The following GABRB2 variants were observed in gnomAD, a reference collection of about 807,000 sequenced individuals.
The protein encoded by GABRB2 is gamma-aminobutyric acid type A receptor subunit beta2.
A neutral mutation model predicts 54.7 loss-of-function variants in GABRB2; 16 were observed. The ratio of observed to expected loss-of-function variants is 0.29; its 90% CI spans 0.20 to 0.44. The LOEUF is 0.44. Among genes scored for constraint, GABRB2 ranks in the 20% least tolerant of loss-of-function variants. GABRB2 has a pLI of 1.00. For missense variants in GABRB2, 355 were observed against 644.0 expected, an observed-to-expected ratio of 0.55 and a Z score of 4.86; for synonymous variants, 244 against 233.8, an observed-to-expected ratio of 1.04 and a Z score of -0.40.
chr5:161,527,182 G>T (rs1233599048), intron 3 of GABRB2, among the ~76,000 whole-genome samples: 4 of 148,240 alleles, frequency 2.7e-5, no homozygotes, highest in Non-Finnish European at 3.1e-5. Context: ...TAGAAACACA[G>T]ACCTAAGGAC....
At chr5:161,525,414 T>A (rs1469028963) in intron 3 of GABRB2, among the ~76,000 whole-genome samples, 1 of 151,256 alleles carries the variant, frequency 6.6e-6, no homozygotes, top group African/African-American at 2.4e-5. Context: ...GTAAAAAAGG[T>A]CTTTCAATTG....
intron 5 of GABRB2, among the ~76,000 whole-genome samples, chr5:161,362,692 C>T (rs896926228): frequency 6.6e-6 from 1 of 152,056 alleles, no homozygotes; most frequent in African/African-American, 2.4e-5. Context: ...AGGGAAAAAA[C>T]AACCCCATCA....
intron 3 of GABRB2, among the ~76,000 whole-genome samples, chr5:161,464,142 C>T (rs1231293426): frequency 6.6e-6 from 1 of 151,738 alleles, no homozygotes; most frequent in Non-Finnish European, 1.5e-5. Flanking sequence ...AGCAATGACA[C>T]TATTAAGGGA....
chr5:161,317,381 C>T (rs911473673), intron 9 of GABRB2, among the ~76,000 whole-genome samples: 6 of 152,112 alleles, frequency 3.9e-5, no homozygotes, highest in Non-Finnish European at 5.9e-5. Context: ...CCTACCATCC[C>T]GTCCCACTCT....
chr5:161,373,103 G>A (rs541741684), intron 5 of GABRB2, among the ~76,000 whole-genome samples: 20 of 152,050 alleles, frequency 1.3e-4, no homozygotes, highest in Middle Eastern at 3.4e-3. Flanking sequence ...ATTCCTAACC[G>A]TATGCAAATG....
chr5:161,391,770 A>G (rs974019987), intron 5 of GABRB2, among the ~76,000 whole-genome samples: 1 of 152,198 alleles, frequency 6.6e-6, no homozygotes, highest in African/African-American at 2.4e-5. Flanking sequence ...GCAGATACCA[A>G]CAAGATGTAA....
chr5:161,416,724 A>AAAAAAAAAAAAAAAAAAAAAAAAAC (rs1756686189), intron 4 of GABRB2, among the ~76,000 whole-genome samples: 1 of 146,146 alleles, frequency 6.8e-6, no homozygotes, highest in African/African-American at 2.5e-5. Flanking sequence ...AAAAAAAAAA[A>AAAAAAAAAAAAAAAAAAAAAAAAAC]ATTAGATGCC....
rs913562341 is a variant in GABRB2 at position 161,336,788 on chromosome 5, A to G, written c.542-19T>C. The G allele has an allele frequency of 1.0e-5, 16 of 1,584,710 alleles. No homozygotes were observed. The highest frequency in any genetic ancestry group is 1.7e-4 in the Middle Eastern group (1 of 5,954). On this transcript the variant is annotated intron_variant, in intron 5 of 9. Transcript: ENST00000393959. ...TATCCATCTGTGAAAGGAAACATAC[A>G]CACACACACACACAAATACAGAAAA...
At chr5:161,426,952 AG>A (rs1757019167) in intron 4 of GABRB2, among the ~76,000 whole-genome samples, 1 of 152,282 alleles carries the variant, frequency 6.6e-6, no homozygotes, top group South Asian at 2.1e-4. Context: ...AGATGGGAAT[AG>A]GGTTGAAAGA....
chr5:161,487,940 T>C (rs1217610268), intron 3 of GABRB2, among the ~76,000 whole-genome samples: 1 of 151,904 alleles, frequency 6.6e-6, no homozygotes, highest in Non-Finnish European at 1.5e-5. Context: ...TGATCCCAGA[T>C]GATCCAGTGT....
chr5:161,387,404 G>A (rs937133365), intron 5 of GABRB2, among the ~76,000 whole-genome samples: 14 of 152,142 alleles, frequency 9.2e-5, no homozygotes, highest in Non-Finnish European at 1.5e-4. Flanking sequence ...GTATCCTCTA[G>A]TCTTCTCTGC....
chr5:161,293,976 A>C lies in GABRB2; in HGVS notation c.*105T>G, dbSNP rs2113332988. The stretch of plus-strand genomic sequence containing the variant: ...GATAGGCCAGCAACTAAGGTATTTT[A>C]GCGTCACTTTTGTCCTGGATTGATG... On this transcript the variant is annotated 3_prime_UTR_variant, in exon 10 of 10. Coordinates refer to ENST00000393959, the MANE Select transcript of GABRB2 (RefSeq NM_001371727.1). 1 of 865,972 alleles carries C rather than the reference A, an allele frequency of 1.2e-6. No homozygotes were observed. The highest frequency in any genetic ancestry group is 1.8e-6 in the Non-Finnish European group (1 of 557,948). 53.6% of individuals were successfully genotyped at this position (865,972 alleles called of 1,614,324 possible). A position where few individuals can be genotyped will look rare whatever the true frequency, so the allele number is the denominator to read the frequency against.
intron 5 of GABRB2, among the ~76,000 whole-genome samples, chr5:161,410,535 T>C (rs890814467): frequency 6.6e-6 from 1 of 152,008 alleles, no homozygotes; most frequent in East Asian, 1.9e-4. Context: ...TCTATGAATG[T>C]TTTAACTAAT....
intron 9 of GABRB2, among the ~76,000 whole-genome samples, chr5:161,323,502 G>C (rs903584258): frequency 1.3e-5 from 2 of 152,106 alleles, no homozygotes; most frequent in African/African-American, 4.8e-5. Flanking sequence ...TTATAATTTA[G>C]GTAGATTTCT....
rs1236064276 is a variant in GABRB2, at chr5:161,463,555, T to TATATATAAA, written c.238-3712_238-3711insTTTATATAT. 4.6e-4 allele frequency among the ~76,000 whole-genome samples: 11 copies of TATATATAAA among 23,698 alleles called. No homozygotes were observed. In the East Asian group the frequency reaches 0.017, roughly 37 times the overall value. The allele number at this position is 23,698 out of a possible 152,430, so 15.5% of individuals were successfully genotyped here. A position where few individuals can be genotyped will look rare whatever the true frequency, so the allele number is the denominator to read the frequency against. Reference sequence around the variant, plus strand: ...ACAAGGTGATTCCAAATATTTTTATTTATATATATATATATATATATATAT... The same window carrying TATATATAAA: ...ACAAGGTGATTCCAAATATTTTTATTATATATAAATATATATATATATATATATATATAT... On this transcript the variant is annotated intron_variant, in intron 3 of 9. Coordinates refer to ENST00000393959, the MANE Select transcript of GABRB2 (RefSeq NM_001371727.1).
intron 5 of GABRB2, among the ~76,000 whole-genome samples, chr5:161,346,864 T>A (rs1754331977): frequency 2.0e-5 from 3 of 152,078 alleles, no homozygotes; most frequent in African/African-American, 7.2e-5. Flanking sequence ...TAAACAGAGA[T>A]CATTCATTCT....
intron 3 of GABRB2, among the ~76,000 whole-genome samples, chr5:161,508,763 A>G (rs1231327993): frequency 6.6e-6 from 1 of 151,974 alleles, no homozygotes; most frequent in East Asian, 1.9e-4. Context: ...GCCTGACACC[A>G]ATTCAAAATA....
At chr5:161,347,045 A>C (rs146935834) in intron 5 of GABRB2, among the ~76,000 whole-genome samples, 1 of 152,240 alleles carries the variant, frequency 6.6e-6, no homozygotes, top group Non-Finnish European at 1.5e-5. Flanking sequence ...ATATATGCAC[A>C]GTTAAACATG....
At chr5:161,363,921 G>T (rs1307433251) in intron 5 of GABRB2, among the ~76,000 whole-genome samples, 1 of 152,166 alleles carries the variant, frequency 6.6e-6, no homozygotes, top group East Asian at 1.9e-4. Context: ...TAAATATTCA[G>T]TGTTTTGTTT....
Sources: allele counts gnomAD v4.1 joint callset (sites outside exome capture counted in the v4.1 genomes callset), GRCh38; gene constraint gnomAD v4.1.1; transcripts MANE v1.5; gene names NCBI Gene and HGNC (gene_info 2026-07-23, HGNC 2026-07-21).